Variants in CBLB observed in about 807,000 individuals in gnomAD.
CBLB encodes the protein Cbl proto-oncogene B, also known as E3 ubiquitin-protein ligase CBL-B.
A neutral mutation model predicts 104.9 loss-of-function variants in CBLB; 31 were observed. That is an observed-to-expected ratio of 0.30 (90% CI 0.22 to 0.40). CBLB has a LOEUF of 0.40. CBLB is among the 10% of genes least tolerant of loss of function. The pLI, the probability that CBLB is intolerant of heterozygous loss-of-function variation, is 1.00. For missense variants in CBLB, 1,062 were observed against 1,214.6 expected, an observed-to-expected ratio of 0.87 and a Z score of 1.87; for synonymous variants, 440 against 422.6, an observed-to-expected ratio of 1.04 and a Z score of -0.51.
Position 105,698,395 on chromosome 3 carries a change from C to T in CBLB, c.1959+3699G>A, listed in dbSNP as rs566018966. ...GATGGGAACTGACATAATGACAGGA[C>T]GAGTAATGAAGGGAAGCGAGTCCTC... is the stretch of plus-strand genomic sequence containing the variant. On this transcript the variant is annotated intron_variant, in intron 12 of 18. Coordinates refer to ENST00000394030, the MANE Select transcript of CBLB (RefSeq NM_170662.5). Among the ~76,000 whole-genome samples, 59 of 151,948 alleles carry T rather than the reference C, an allele frequency of 3.9e-4. 1 individual carries two copies. Among genetic ancestry groups the T allele is most frequent in the African/African-American group, 1.2e-3 (50 of 41,454 alleles).
chr3:105,737,119 A>C, intron 8 of CBLB, 52 bp downstream of exon 8: 1 of 878,680 alleles, frequency 1.1e-6, no homozygotes, highest in African/African-American at 1.7e-5. Flanking sequence ...TATTTATTTC[A>C]AGGGCATTAT....
chr3:105,663,717 T>C (rs1482324619), intron 18 of CBLB, among the ~76,000 whole-genome samples: 4 of 152,110 alleles, frequency 2.6e-5, no homozygotes, highest in Non-Finnish European at 5.9e-5. Flanking sequence ...ATGATTACTC[T>C]AGGTCATACA....
At chr3:105,774,708 A>G (rs2079252846) in intron 4 of CBLB, among the ~76,000 whole-genome samples, 1 of 152,218 alleles carries the variant, frequency 6.6e-6, no homozygotes, top group Non-Finnish European at 1.5e-5. Context: ...TCTCAAATGC[A>G]TAATTTTCTG....
At chr3:105,695,107 A>G (rs2068186255) in intron 12 of CBLB, among the ~76,000 whole-genome samples, 1 of 151,840 alleles carries the variant, frequency 6.6e-6, no homozygotes, top group East Asian at 1.9e-4. Context: ...TCTGCAATCA[A>G]ATTTCCTTAA....
intron 3 of CBLB, among the ~76,000 whole-genome samples, chr3:105,798,414 T>C (rs983148048): frequency 3.3e-5 from 5 of 152,236 alleles, no homozygotes; most frequent in African/African-American, 1.2e-4. Flanking sequence ...CAATAACTTA[T>C]TTCCTTCAAA....
chr3:105,869,056 GC>G, upstream of CBLB: 25 of 1,081,026 alleles, frequency 2.3e-5, no homozygotes, highest in South Asian at 3.7e-5. Context: ...TCGGGGCGGG[GC>G]GGGGCGGGGG....
At chr3:105,844,443 TCA>T (rs2089983299) in intron 3 of CBLB, among the ~76,000 whole-genome samples, 1 of 152,344 alleles carries the variant, frequency 6.6e-6, no homozygotes, top group East Asian at 1.9e-4. Context: ...AAATTATCTT[TCA>T]GTTTAATTTG....
chr3:105,681,649 A>G, intron 15 of CBLB, 39 bp from the exon 16 acceptor site: 1 of 1,613,700 alleles, frequency 6.2e-7, no homozygotes, highest in Non-Finnish European at 8.5e-7. Flanking sequence ...TTTTCAGTAC[A>G]ATGGCATGAA....
At chr3:105,744,314 C>CA (rs2075901245) in intron 6 of CBLB, among the ~76,000 whole-genome samples, 1 of 152,006 alleles carries the variant, frequency 6.6e-6, no homozygotes, top group African/African-American at 2.4e-5. Context: ...CATCATACGC[C>CA]AAGAGCAAGA....
chr3:105,762,425 G>A (rs2077735399), intron 4 of CBLB: 1 of 152,260 alleles, frequency 6.6e-6, no homozygotes. Context: ...TGGTTTCATT[G>A]GCTGTACCCA....
intron 5 of CBLB, among the ~76,000 whole-genome samples, chr3:105,746,812 T>G (rs2076144126): frequency 6.6e-6 from 1 of 152,220 alleles, no homozygotes; most frequent in South Asian, 2.1e-4. Context: ...GCAAGGGACA[T>G]GCCTGTCTTG....
At chr3:105,837,815 A>G (rs1187542668) in intron 3 of CBLB, among the ~76,000 whole-genome samples, 1 of 152,196 alleles carries the variant, frequency 6.6e-6, no homozygotes, top group Non-Finnish European at 1.5e-5. Flanking sequence ...AATGTGAAGA[A>G]GCTGACATTC....
intron 5 of CBLB, among the ~76,000 whole-genome samples, chr3:105,749,283 T>C (rs1321895912): frequency 6.7e-6 from 1 of 148,986 alleles, no homozygotes; most frequent in African/African-American, 2.5e-5. Context: ...TCTGTAATCA[T>C]GTTTTTAAAA....
At chr3:105,739,918 CA>C (rs1160608810) in intron 7 of CBLB, among the ~76,000 whole-genome samples, 1 of 152,086 alleles carries the variant, frequency 6.6e-6, no homozygotes, top group Non-Finnish European at 1.5e-5. Context: ...TCCTGGCTAA[CA>C]CGGTGAAACC....
At chr3:105,741,249 C>T (rs929398388) in intron 6 of CBLB, among the ~76,000 whole-genome samples, 4 of 152,212 alleles carry the variant, frequency 2.6e-5, no homozygotes, top group South Asian at 2.1e-4. Flanking sequence ...AGTGCAGTGG[C>T]GCCATCTCGG....
intron 3 of CBLB, among the ~76,000 whole-genome samples, chr3:105,785,082 G>A (rs72995690): frequency 0.018 from 2,664 of 152,184 alleles, 71 homozygotes; most frequent in African/African-American, 0.06. Context: ...AGGGCACCAT[G>A]GTTATTTTAC....
At chr3:105,864,099 C>A (rs1258594755) in intron 2 of CBLB, among the ~76,000 whole-genome samples, 1 of 152,142 alleles carries the variant, frequency 6.6e-6, no homozygotes, top group Non-Finnish European at 1.5e-5. Flanking sequence ...AAGGCAATGG[C>A]CAGCAGAATC....
chr3:105,662,260 C>CT (rs2063860513), intron 18 of CBLB, among the ~76,000 whole-genome samples: 2 of 152,296 alleles, frequency 1.3e-5, no homozygotes, highest in Non-Finnish European at 2.9e-5. Context: ...TCCTCATTTA[C>CT]TTTAGCACTT....
chr3:105,846,715 T>TA (rs2090303886), intron 3 of CBLB, among the ~76,000 whole-genome samples: 2 of 152,110 alleles, frequency 1.3e-5, no homozygotes, highest in Admixed American at 1.3e-4. Context: ...TGTACTTAGT[T>TA]AAACAGCACT....
Sources: gnomAD v4.1 joint callset for allele counts (sites outside exome capture counted in the v4.1 genomes callset) on GRCh38, gnomAD v4.1.1 for gene constraint, MANE v1.5 for transcripts, NCBI Gene and HGNC (gene_info 2026-07-23, HGNC 2026-07-21) for gene names.